PLCB1: variants seen among roughly 807,000 people sequenced by gnomAD.
The protein encoded by PLCB1 is phospholipase C beta 1, also known as 1-phosphatidylinositol 4,5-bisphosphate phosphodiesterase beta-1.
In PLCB1, 46 loss-of-function variants were observed where a neutral mutation model predicts 161.8. That is an observed-to-expected ratio of 0.28 (90% CI 0.22 to 0.36). The LOEUF (loss-of-function observed/expected upper bound fraction) is 0.36, where lower values mean the gene tolerates loss of function less well. Ranked by LOEUF, PLCB1 falls within the 10% of genes least tolerant of loss-of-function variation. The pLI is 1.00. For missense variants in PLCB1, 1,016 were observed against 1,472.5 expected (o/e 0.69, Z 5.07); for synonymous variants, 517 against 503.7 (o/e 1.03, Z -0.35).
Position 8,223,795 on chromosome 20 carries a change from AC to A in PLCB1, c.177+73426del, listed in dbSNP as rs1304135658. The stretch of plus-strand genomic sequence containing the variant: ...ATAGTTTTAAAAATGAATTTCCCCA[AC>A]CTGATTCAAAGAACTCTCATTCTTC... On this transcript the variant is annotated intron_variant, in intron 2 of 31. Transcript: ENST00000338037. Among the ~76,000 whole-genome samples, 4 of 152,278 alleles carry A rather than the reference AC, an allele frequency of 2.6e-5. No individual in the cohort carries two copies. In the East Asian group the frequency reaches 7.7e-4, roughly 29 times the overall value.
chr20:8,463,146 A>AGTGTGTGTGTGT (rs11472638), intron 3 of PLCB1, among the ~76,000 whole-genome samples: 1,720 of 144,756 alleles, frequency 0.012, 25 homozygotes, highest in East Asian at 0.072. Context: ...AGTACAGAGC[A>AGTGTGTGTGTGT]GTGTGTGTGT....
chr20:8,467,877 A>G (rs1413125458), intron 3 of PLCB1, among the ~76,000 whole-genome samples: 1 of 152,200 alleles, frequency 6.6e-6, no homozygotes, highest in Non-Finnish European at 1.5e-5. Flanking sequence ...GAAACCAGCC[A>G]GGCTCTGCTG....
intron 31 of PLCB1, chr20:8,801,948 T>C (rs1984300637): frequency 4.0e-6 from 3 of 751,910 alleles, no homozygotes; most frequent in Non-Finnish European, 7.2e-6. Flanking sequence ...AACTGTACTC[T>C]AGAAGGCACT....
chr20:8,675,488 C>T (rs1990052463), intron 9 of PLCB1, among the ~76,000 whole-genome samples: 1 of 152,000 alleles, frequency 6.6e-6, no homozygotes, highest in South Asian at 2.1e-4. Flanking sequence ...ATGATAAGTC[C>T]CAGCCAGGCA....
chr20:8,662,494 TA>T (rs1989703179), intron 9 of PLCB1, among the ~76,000 whole-genome samples: 1 of 141,654 alleles, frequency 7.1e-6, no homozygotes, highest in Admixed American at 7.4e-5. Context: ...AATTTTTTAT[TA>T]TATAATTATG....
chr20:8,343,554 A>G (rs1451680789), intron 2 of PLCB1, among the ~76,000 whole-genome samples: 1 of 152,174 alleles, frequency 6.6e-6, no homozygotes, highest in Non-Finnish European at 1.5e-5. Context: ...ATTATCCTTT[A>G]AAATTCTAAA....
At chr20:8,676,366 G>A (rs1990073628) in intron 9 of PLCB1, among the ~76,000 whole-genome samples, 1 of 150,194 alleles carries the variant, frequency 6.7e-6, no homozygotes, top group South Asian at 2.1e-4. Flanking sequence ...GTCTCAAGAA[G>A]AGAGAAAAAG....
intron 2 of PLCB1, among the ~76,000 whole-genome samples, chr20:8,365,509 G>A (rs529471694): frequency 6.6e-6 from 1 of 152,272 alleles, no homozygotes; most frequent in South Asian, 2.1e-4. Flanking sequence ...ACGGTGCAGA[G>A]ATTTCTTTGA....
At chr20:8,746,623 G>A (rs1229850521) in intron 23 of PLCB1, among the ~76,000 whole-genome samples, 1 of 152,048 alleles carries the variant, frequency 6.6e-6, no homozygotes, top group African/African-American at 2.4e-5. Context: ...GAGATTACAG[G>A]GGTGGTTCAC....
intron 14 of PLCB1, among the ~76,000 whole-genome samples, chr20:8,719,000 A>C (rs1347104013): frequency 6.6e-6 from 1 of 152,090 alleles, no homozygotes; most frequent in Non-Finnish European, 1.5e-5. Context: ...TTTTCCTTTT[A>C]AATTAAGGGT....
intron 31 of PLCB1, among the ~76,000 whole-genome samples, chr20:8,800,018 G>A (rs1185514100): frequency 1.3e-5 from 2 of 152,128 alleles, no homozygotes; most frequent in Non-Finnish European, 2.9e-5. Context: ...CACAGATGTG[G>A]AACCCATGGA....
At chr20:8,818,382 A>C (rs1985175233) in intron 31 of PLCB1, among the ~76,000 whole-genome samples, 1 of 152,188 alleles carries the variant, frequency 6.6e-6, no homozygotes, top group South Asian at 2.1e-4. Context: ...ACTAAAGGAA[A>C]TCATATCTCC....
At chr20:8,623,941 T>C (rs564452155) in intron 3 of PLCB1, 36 of 152,354 alleles carry the variant, frequency 2.4e-4, no homozygotes, top group African/African-American at 7.7e-4. Flanking sequence ...TAAGCATTGA[T>C]TCAAGGGGAA....
intron 3 of PLCB1, among the ~76,000 whole-genome samples, chr20:8,572,645 T>C (rs185353166): frequency 7.9e-5 from 12 of 152,366 alleles, no homozygotes; most frequent in Non-Finnish European, 4.4e-5. Flanking sequence ...AATGGACATG[T>C]ATCTTGCACA....
At chr20:8,364,055 T>C (rs1431138056) in intron 2 of PLCB1, among the ~76,000 whole-genome samples, 1 of 152,182 alleles carries the variant, frequency 6.6e-6, no homozygotes, top group African/African-American at 2.4e-5. Flanking sequence ...TCAATAATAA[T>C]TTCTCAGTTT....
chr20:8,208,556 C>G (rs1978651124), intron 2 of PLCB1, among the ~76,000 whole-genome samples: 1 of 151,558 alleles, frequency 6.6e-6, no homozygotes, highest in Non-Finnish European at 1.5e-5. Context: ...AAGGGTTTAT[C>G]ATCTCACTAA....
intron 2 of PLCB1, among the ~76,000 whole-genome samples, chr20:8,278,977 TTA>T (rs968870975): frequency 4.7e-5 from 7 of 148,478 alleles, no homozygotes; most frequent in African/African-American, 1.0e-4. Context: ...ACAGTGTTTT[TTA>T]AAAAAAAAAA....
chr20:8,426,920 T>C (rs1979806388), intron 3 of PLCB1, among the ~76,000 whole-genome samples: 1 of 152,074 alleles, frequency 6.6e-6, no homozygotes, highest in African/African-American at 2.4e-5. Flanking sequence ...AAGATTACCA[T>C]TATTATTATT....
intron 2 of PLCB1, among the ~76,000 whole-genome samples, chr20:8,173,401 C>G (rs1033754309): frequency 1.3e-5 from 2 of 152,126 alleles, no homozygotes; most frequent in Non-Finnish European, 2.9e-5. Context: ...AAGCCCCTCT[C>G]ATATCATCTA....
Sources: gnomAD v4.1 joint callset for allele counts (sites outside exome capture counted in the v4.1 genomes callset) on GRCh38, gnomAD v4.1.1 for gene constraint, MANE v1.5 for transcripts, NCBI Gene and HGNC (gene_info 2026-07-23, HGNC 2026-07-21) for gene names.